CHN2: variants seen among roughly 807,000 people sequenced by gnomAD.
CHN2 encodes the protein chimerin 2, also known as beta-chimaerin.
A neutral mutation model predicts 56.3 loss-of-function variants in CHN2; 35 were observed. That is an observed-to-expected ratio of 0.62 (90% CI 0.47 to 0.82). The LOEUF is 0.82. CHN2 is among the 40% of genes least tolerant of loss of function. CHN2 has a pLI of 0.00. For synonymous variants in CHN2, 210 were observed against 212.8 expected (o/e 0.99, Z 0.12); for missense variants, 491 against 580.5 (o/e 0.85, Z 1.58).
chr7:29,161,404 T>C (rs1311501221), intron 2 of CHN2, among the ~76,000 whole-genome samples: 1 of 152,210 alleles, frequency 6.6e-6, no homozygotes, highest in Non-Finnish European at 1.5e-5. Flanking sequence ...TTTCTTAGCA[T>C]GCAGCAACTT....
intron 1 of CHN2, among the ~76,000 whole-genome samples, chr7:29,340,773 A>C (rs1368464296): frequency 2.6e-5 from 4 of 152,226 alleles, no homozygotes; most frequent in Non-Finnish European, 5.9e-5. Flanking sequence ...CATTTAGACT[A>C]ATTCTCGGCA....
chr7:29,182,108 GAACT>G (rs1227014999), intron 2 of CHN2, among the ~76,000 whole-genome samples: 1 of 152,108 alleles, frequency 6.6e-6, no homozygotes, highest in Admixed American at 6.6e-5. Flanking sequence ...TGCAAAATGA[GAACT>G]AACACTCATT....
intron 6 of CHN2, among the ~76,000 whole-genome samples, chr7:29,457,963 A>G (rs778550696): frequency 2.0e-5 from 3 of 152,214 alleles, no homozygotes; most frequent in Non-Finnish European, 4.4e-5. Flanking sequence ...AAGTTCTTAC[A>G]TGTTACTGTC....
At chr7:29,174,437 A>G (rs969289580) in intron 2 of CHN2, among the ~76,000 whole-genome samples, 17 of 152,302 alleles carry the variant, frequency 1.1e-4, no homozygotes, top group Middle Eastern at 3.4e-3. Flanking sequence ...TTCTCCCCCA[A>G]GAGGGACAGG....
intron 1 of CHN2, chr7:29,332,861 AT>A (rs1428363692): frequency 6.6e-6 from 1 of 151,870 alleles, no homozygotes. Flanking sequence ...TGATGGGGTT[AT>A]GTGGACATAA....
intron 3 of CHN2, among the ~76,000 whole-genome samples, chr7:29,379,313 A>G (rs934996699): frequency 3.9e-5 from 6 of 152,216 alleles, no homozygotes; most frequent in Non-Finnish European, 5.9e-5. Context: ...ATCAGCAGGA[A>G]GTTAAAGGGG....
chr7:29,376,926 C>T (rs897880970), intron 3 of CHN2, among the ~76,000 whole-genome samples: 1 of 152,124 alleles, frequency 6.6e-6, no homozygotes, highest in Admixed American at 6.5e-5. Flanking sequence ...GATCTCCTCC[C>T]TCTACCCTCC....
chr7:29,509,965 C>T (rs1323225854), intron 12 of CHN2, among the ~76,000 whole-genome samples: 1 of 152,122 alleles, frequency 6.6e-6, no homozygotes, highest in Admixed American at 6.5e-5. Context: ...GGATCCCAGG[C>T]AGGCTGATGT....
At chr7:29,228,786 G>C (rs1234707498) in intron 1 of CHN2, among the ~76,000 whole-genome samples, 1 of 152,192 alleles carries the variant, frequency 6.6e-6, no homozygotes, top group East Asian at 1.9e-4. Flanking sequence ...AGTAGTAAGG[G>C]GGGCTGTTTG....
intron 6 of CHN2, among the ~76,000 whole-genome samples, chr7:29,426,736 T>C (rs2128109949): frequency 6.6e-6 from 1 of 152,344 alleles, no homozygotes; most frequent in Middle Eastern, 3.4e-3. Context: ...CAATTAGGCA[T>C]GGACCAGGCG....
intron 6 of CHN2, among the ~76,000 whole-genome samples, chr7:29,425,129 G>A (rs752161624): frequency 1.5e-4 from 23 of 152,206 alleles, no homozygotes; most frequent in East Asian, 7.7e-4. Flanking sequence ...GATCTCACTC[G>A]TTCGCTGTCC....
At chr7:29,419,664 A>G (rs1434468943) in intron 6 of CHN2, among the ~76,000 whole-genome samples, 1 of 152,226 alleles carries the variant, frequency 6.6e-6, no homozygotes, top group Admixed American at 6.5e-5. Flanking sequence ...AAATAACCCA[A>G]TTTAAAAATG....
chr7:29,405,039 A>G (rs1275987093), intron 6 of CHN2, among the ~76,000 whole-genome samples: 2 of 152,078 alleles, frequency 1.3e-5, no homozygotes, highest in African/African-American at 2.4e-5. Context: ...TTAAACCGTG[A>G]TCGATGCAGT....
intron 1 of CHN2, among the ~76,000 whole-genome samples, chr7:29,214,844 A>C (rs1234546350): frequency 1.3e-5 from 2 of 151,992 alleles, no homozygotes; most frequent in Non-Finnish European, 2.9e-5. Flanking sequence ...CCTCTTTCTC[A>C]TCTCTCTTTC....
intron 1 of CHN2, among the ~76,000 whole-genome samples, chr7:29,214,476 C>T (rs1025125717): frequency 1.3e-5 from 2 of 152,182 alleles, no homozygotes; most frequent in Admixed American, 1.3e-4. Flanking sequence ...GACGCTTTGA[C>T]AGGAGGCTTC....
At chr7:29,482,139 T>G (rs1787318542) in intron 7 of CHN2, among the ~76,000 whole-genome samples, 1 of 152,202 alleles carries the variant, frequency 6.6e-6, no homozygotes, top group Admixed American at 6.5e-5. Flanking sequence ...TAATATTTGT[T>G]TAAAAACTCA....
rs1783478125 is a variant in CHN2 at position 29,195,007 on chromosome 7, C to G, written c.49+17C>G. 2 of 1,583,414 alleles carry G rather than the reference C, an allele frequency of 1.3e-6. No individual in the cohort carries two copies. Among genetic ancestry groups the G allele is most frequent in the Non-Finnish European group, 1.7e-6 (2 of 1,167,878 alleles). On this transcript the variant is annotated intron_variant, in intron 1 of 12. Transcript: ENST00000222792. Reference sequence around the variant, plus strand: ...TGTCCTCCGGTGAGTTTCAGCCCGTCGGGCGCTGCTGCCGCGCCGGGTCTC... The same window carrying G: ...TGTCCTCCGGTGAGTTTCAGCCCGTGGGGCGCTGCTGCCGCGCCGGGTCTC...
intron 1 of CHN2, among the ~76,000 whole-genome samples, chr7:29,237,970 A>G (rs1787327778): frequency 6.7e-6 from 1 of 149,454 alleles, no homozygotes; most frequent in African/African-American, 2.5e-5. Context: ...CTGTCACTCC[A>G]TCATCTGAAT....
chr7:29,450,032 G>A (rs849924), intron 6 of CHN2, among the ~76,000 whole-genome samples: 19,659 of 152,202 alleles, frequency 0.13, 1,512 homozygotes, highest in Non-Finnish European at 0.17. Flanking sequence ...CCTAGGGGAT[G>A]TGGTACAGGT....
Sources: gnomAD v4.1 joint callset for allele counts (sites outside exome capture counted in the v4.1 genomes callset) on GRCh38, gnomAD v4.1.1 for gene constraint, MANE v1.5 for transcripts, NCBI Gene and HGNC (gene_info 2026-07-23, HGNC 2026-07-21) for gene names.